Variants in PTPRT observed in about 807,000 individuals in gnomAD.
PTPRT encodes protein tyrosine phosphatase receptor type T, also known as receptor-type tyrosine-protein phosphatase T.
In PTPRT, 56 loss-of-function variants were observed where a neutral mutation model predicts 176.8. That is an observed-to-expected ratio of 0.32 (90% CI 0.26 to 0.40). The LOEUF is 0.40. Ranked by LOEUF, PTPRT falls within the 10% of genes least tolerant of loss-of-function variation. The pLI, the probability that PTPRT is intolerant of heterozygous loss-of-function variation, is 1.00. For missense variants in PTPRT, 1,540 were observed against 1,908.2 expected (o/e 0.81, Z 3.60); for synonymous variants, 783 against 739.0 (o/e 1.06, Z -0.96).
At chr20:43,023,225 C>T (rs1448740242) in intron 1 of PTPRT, among the ~76,000 whole-genome samples, 2 of 152,194 alleles carry the variant, frequency 1.3e-5, no homozygotes, top group African/African-American at 2.4e-5. Flanking sequence ...AGTGAGCCCA[C>T]TCCCCAAACA....
intron 7 of PTPRT, among the ~76,000 whole-genome samples, chr20:42,529,949 G>A (rs138736599): frequency 8.6e-4 from 131 of 151,492 alleles, no homozygotes; most frequent in African/African-American, 3.1e-3. Context: ...AATGGAAATT[G>A]ATTTATTTAA....
chr20:42,270,157 G>A (rs1178303487), intron 13 of PTPRT, among the ~76,000 whole-genome samples: 1 of 151,984 alleles, frequency 6.6e-6, no homozygotes, highest in Non-Finnish European at 1.5e-5. Flanking sequence ...GCACCCAGTA[G>A]GTACTTAGTA....
intron 17 of PTPRT, among the ~76,000 whole-genome samples, chr20:42,145,552 G>T (rs2146433961): frequency 7.6e-6 from 1 of 131,082 alleles, no homozygotes; most frequent in East Asian, 2.4e-4. Context: ...ATAGATGGAT[G>T]TTGGGCTGGA....
intron 7 of PTPRT, among the ~76,000 whole-genome samples, chr20:42,634,070 TATATAATA>T (rs2074532116): frequency 2.5e-5 from 1 of 39,848 alleles, no homozygotes; most frequent in African/African-American, 1.1e-4. Context: ...ATATAATATA[TATATAATA>T]TATATATAAT....
At position 42,580,118 on chromosome 20, in the gene PTPRT, A is replaced by G. The variant is rs984652094; in HGVS notation, c.1153+97748T>C. 2.6e-5 allele frequency among the ~76,000 whole-genome samples: 4 copies of G among 152,314 alleles called. No individual in the cohort carries two copies. The East Asian group carries it at 5.8e-4, about 22-fold the overall frequency. Reference sequence around the variant, plus strand: ...AAGGGATCCAGTTTCAGCTTTCTACATATGGCTAGCCAGTTTTCCCAGCAC... The same window carrying G: ...AAGGGATCCAGTTTCAGCTTTCTACGTATGGCTAGCCAGTTTTCCCAGCAC... On this transcript the variant is annotated intron_variant, in intron 7 of 30. Coordinates refer to ENST00000373187, the MANE Select transcript of PTPRT (RefSeq NM_007050.6).
intron 17 of PTPRT, among the ~76,000 whole-genome samples, chr20:42,151,537 C>G (rs1989132227): frequency 6.6e-6 from 1 of 152,122 alleles, no homozygotes; most frequent in Admixed American, 6.5e-5. Context: ...TTTCTTTATC[C>G]AGTCTATCAT....
At chr20:42,590,749 C>CA (rs1242847463) in intron 7 of PTPRT, among the ~76,000 whole-genome samples, 2 of 151,888 alleles carry the variant, frequency 1.3e-5, no homozygotes, top group Non-Finnish European at 2.9e-5. Flanking sequence ...AATAATGTAG[C>CA]AAAAATAGAT....
chr20:42,346,601 G>C (rs1306764161), intron 11 of PTPRT, among the ~76,000 whole-genome samples: 1 of 152,154 alleles, frequency 6.6e-6, no homozygotes, highest in African/African-American at 2.4e-5. Context: ...GGAGGGATGA[G>C]GGTGCGGGAG....
At chr20:43,187,234 G>A (rs2015415478) in intron 1 of PTPRT, among the ~76,000 whole-genome samples, 1 of 152,080 alleles carries the variant, frequency 6.6e-6, no homozygotes, top group Non-Finnish European at 1.5e-5. Flanking sequence ...TCAAGATTGG[G>A]AATTTTCAGA....
intron 9 of PTPRT, among the ~76,000 whole-genome samples, chr20:42,417,884 T>G (rs1354122199): frequency 6.6e-6 from 1 of 152,080 alleles, no homozygotes; most frequent in East Asian, 1.9e-4. Flanking sequence ...ATGACAGGCA[T>G]GAGCCACTGC....
chr20:42,709,308 C>G (rs1190148110), intron 6 of PTPRT, among the ~76,000 whole-genome samples: 1 of 152,164 alleles, frequency 6.6e-6, no homozygotes, highest in South Asian at 2.1e-4. Flanking sequence ...GAGGTGGGAC[C>G]TGGTGGAAGG....
In PTPRT at chr20:42,448,303, T is replaced by G; in HGVS notation, c.1477A>C (p.Ile493Leu). 6.2e-7 allele frequency: 1 copy of G among 1,613,224 alleles called. No homozygotes were observed. Among genetic ancestry groups the G allele is most frequent in the Non-Finnish European group, 8.5e-7 (1 of 1,179,344 alleles). Residue 493 changes from isoleucine (I) to leucine (L), a missense_variant, in exon 9 of 31, where the codon ATC becomes CTC. Ile to Leu is a conservative substitution (Grantham distance 5). This residue lies in a region of PTPRT where 136 missense variants were observed against 135.0 expected (regional missense o/e 1.01). Coordinates refer to ENST00000373187, the MANE Select transcript of PTPRT (RefSeq NM_007050.6). The stretch of plus-strand genomic sequence containing the variant: ...TTCTCCTCAAAGGGCCCCCCTTGGA[T>G]GGATTCTAGAGGAACAGCTCCTGGA... ...DVPGAVPLES[I>L]QGGPFEEKIY...
intron 13 of PTPRT, among the ~76,000 whole-genome samples, chr20:42,268,879 C>T (rs1018027530): frequency 2.6e-5 from 4 of 152,142 alleles, no homozygotes; most frequent in African/African-American, 7.2e-5. Flanking sequence ...GACTACTCTC[C>T]AGCTGCTGTG....
At chr20:42,417,839 G>C (rs558066803) in intron 9 of PTPRT, among the ~76,000 whole-genome samples, 1 of 151,958 alleles carries the variant, frequency 6.6e-6, no homozygotes, top group Non-Finnish European at 1.5e-5. Flanking sequence ...CTGGGCTCAA[G>C]TGATCTTCCC....
intron 22 of PTPRT, among the ~76,000 whole-genome samples, chr20:42,110,903 C>T (rs566787166): frequency 1.6e-4 from 25 of 152,136 alleles, no homozygotes; most frequent in Non-Finnish European, 3.1e-4. Flanking sequence ...GAATCTGAGG[C>T]GTTCAGTGAT....
chr20:42,273,085 T>C (rs1449874325), intron 13 of PTPRT, among the ~76,000 whole-genome samples: 1 of 152,226 alleles, frequency 6.6e-6, no homozygotes, highest in Non-Finnish European at 1.5e-5. Context: ...ATTGGACTTA[T>C]ATTTATTCAT....
chr20:42,448,191 A>C (rs1453562192), intron 9 of PTPRT, 29 bp downstream of exon 9: 1 of 1,526,154 alleles, frequency 6.6e-7, no homozygotes, highest in East Asian at 2.3e-5. Context: ...AAGCTAAGCC[A>C]ATGGATGCAG....
At chr20:42,721,140 A>G (rs1221662808) in intron 6 of PTPRT, among the ~76,000 whole-genome samples, 1 of 152,234 alleles carries the variant, frequency 6.6e-6, no homozygotes, top group Non-Finnish European at 1.5e-5. Flanking sequence ...TGCATGTTCA[A>G]GGGTAACTTC....
At chr20:42,733,375 C>A (rs367929022) in intron 6 of PTPRT, among the ~76,000 whole-genome samples, 1 of 152,176 alleles carries the variant, frequency 6.6e-6, no homozygotes, top group Non-Finnish European at 1.5e-5. Flanking sequence ...GGAATTCCCA[C>A]GGCATGCGCT....
Sources: allele counts gnomAD v4.1 joint callset (sites outside exome capture counted in the v4.1 genomes callset), GRCh38; gene constraint gnomAD v4.1.1; regional missense constraint gnomAD v4.1.1; transcripts MANE v1.5; gene names NCBI Gene and HGNC (gene_info 2026-07-23, HGNC 2026-07-21).